Variants in ANKRD55 observed in about 807,000 individuals in gnomAD.
ANKRD55 encodes the protein ankyrin repeat domain 55.
A neutral mutation model predicts 60.6 loss-of-function variants in ANKRD55; 41 were observed. The ratio of observed to expected loss-of-function variants is 0.68; its 90% CI spans 0.53 to 0.88. The LOEUF is 0.88. ANKRD55 is among the 40% of genes least tolerant of loss of function. The pLI is 0.00. For synonymous variants in ANKRD55, 264 were observed against 290.3 expected (o/e 0.91, Z 0.92); for missense variants, 732 against 767.6 (o/e 0.95, Z 0.55).
At chr5:56,102,298 G>A (rs1208966283) in intron 11 of ANKRD55, among the ~76,000 whole-genome samples, 196 bp downstream of exon 11, 1 of 152,156 alleles carries the variant, frequency 6.6e-6, no homozygotes, top group African/African-American at 2.4e-5. Context: ...GCTGAGGCAG[G>A]GGAATCGCTT....
intron 2 of ANKRD55, among the ~76,000 whole-genome samples, chr5:56,197,707 G>T (rs1284134320): frequency 1.3e-5 from 2 of 152,076 alleles, no homozygotes; most frequent in African/African-American, 4.8e-5. Context: ...GCCAATTTTT[G>T]TCGCAGTTTG....
chr5:56,164,563 G>T (rs1758406275), intron 5 of ANKRD55, among the ~76,000 whole-genome samples: 1 of 152,238 alleles, frequency 6.6e-6, no homozygotes, highest in South Asian at 2.1e-4. Context: ...TGGAGACCAT[G>T]AAAAAGACCT....
chr5:56,160,690 G>C (rs931222735), intron 5 of ANKRD55: 1 of 152,186 alleles, frequency 6.6e-6, no homozygotes, highest in African/African-American at 2.4e-5. Flanking sequence ...GTATTTGCAA[G>C]TTTGCTCATT....
chr5:56,111,095 G>A (rs768920005), intron 10 of ANKRD55, 23 bp downstream of exon 10: 1 of 1,600,408 alleles, frequency 6.2e-7, no homozygotes, highest in Non-Finnish European at 8.5e-7. Flanking sequence ...TGCTGAGAAT[G>A]AACATGAAAT....
chr5:56,130,249 T>A (rs1337662019), intron 7 of ANKRD55, among the ~76,000 whole-genome samples: 1 of 152,172 alleles, frequency 6.6e-6, no homozygotes, highest in Non-Finnish European at 1.5e-5. Flanking sequence ...CCGGAGAAAC[T>A]AGTTAACCAG....
rs1282253873 is a variant in ANKRD55, at chr5:56,133,917, C to G, written c.613-6811G>C. On this transcript the variant is annotated intron_variant, in intron 7 of 11. Coordinates refer to ENST00000341048, the MANE Select transcript of ANKRD55 (RefSeq NM_024669.3). ...CTAGAAAAAGAAGAGCAAATTAAAT[C>G]CAAAATAAGCAGAAGAAAAGAAAAA... Among the ~76,000 whole-genome samples, 2 of 111,724 alleles carry G rather than the reference C, an allele frequency of 1.8e-5. 1 individual carries two copies. The highest frequency in any genetic ancestry group is 4.2e-5 in the Non-Finnish European group (2 of 47,586). The allele number at this position is 111,724 out of a possible 152,430, so 73.3% of individuals were successfully genotyped here.
At chr5:56,221,916 G>A (rs1393634645) in intron 2 of ANKRD55, among the ~76,000 whole-genome samples, 1 of 152,214 alleles carries the variant, frequency 6.6e-6, no homozygotes, top group Admixed American at 6.5e-5. Flanking sequence ...TCCACCTCTG[G>A]GGGCAGGGCA....
intron 5 of ANKRD55, among the ~76,000 whole-genome samples, chr5:56,165,665 C>A (rs949739224): frequency 6.6e-6 from 1 of 152,078 alleles, no homozygotes; most frequent in Non-Finnish European, 1.5e-5. Context: ...TGTGGTGGCT[C>A]ACTCTTGTAA....
chr5:56,179,206 G>T (rs1036959857), intron 3 of ANKRD55, among the ~76,000 whole-genome samples: 3 of 152,156 alleles, frequency 2.0e-5, no homozygotes, highest in African/African-American at 7.2e-5. Flanking sequence ...AAATGTCTGA[G>T]TTAAATTAAT....
In ANKRD55 at chr5:56,099,934, T is replaced by C. The variant is rs1756218406; in HGVS notation, c.*249A>G. On this transcript the variant is annotated 3_prime_UTR_variant, in exon 12 of 12. Transcript: ENST00000341048. Reference sequence around the variant, plus strand: ...TAGCTCAGTTTTCCTACTGATAACATATTTTGTCTTTTAATTTTGGCATGT... The same window carrying C: ...TAGCTCAGTTTTCCTACTGATAACACATTTTGTCTTTTAATTTTGGCATGT... 4.5e-6 allele frequency: 2 copies of C among 445,814 alleles called. No individual in the cohort carries two copies. The highest frequency in any genetic ancestry group is 4.0e-5 in the African/African-American group (2 of 50,518). 27.6% of individuals were successfully genotyped at this position (445,814 alleles called of 1,614,324 possible).
At chr5:56,194,605 T>C (rs1489301875) in intron 2 of ANKRD55, among the ~76,000 whole-genome samples, 1 of 152,180 alleles carries the variant, frequency 6.6e-6, no homozygotes, top group Non-Finnish European at 1.5e-5. Context: ...TAATTAGTAA[T>C]CCTTTACTGA....
chr5:56,200,364 C>A (rs1196949039), intron 2 of ANKRD55, among the ~76,000 whole-genome samples: 2 of 151,414 alleles, frequency 1.3e-5, no homozygotes, highest in Non-Finnish European at 2.9e-5. Context: ...TAATTTTTAC[C>A]TAAAAATTGG....
chr5:56,140,043 CTTTG>C (rs1382435605), intron 7 of ANKRD55, among the ~76,000 whole-genome samples: 1 of 152,086 alleles, frequency 6.6e-6, no homozygotes, highest in Non-Finnish European at 1.5e-5. Flanking sequence ...ATCTTTACTG[CTTTG>C]TTTATTTTGG....
chr5:56,221,167 C>T (rs972653728), intron 2 of ANKRD55, among the ~76,000 whole-genome samples: 4 of 152,186 alleles, frequency 2.6e-5, no homozygotes, highest in Non-Finnish European at 5.9e-5. Flanking sequence ...TTCCCATCTC[C>T]TATGCTTGCC....
intron 2 of ANKRD55, among the ~76,000 whole-genome samples, chr5:56,225,934 C>T (rs1760099817): frequency 6.6e-6 from 1 of 152,180 alleles, no homozygotes; most frequent in South Asian, 2.1e-4. Flanking sequence ...TCAATGCCAT[C>T]CCCGTCAAGC....
intron 5 of ANKRD55, among the ~76,000 whole-genome samples, chr5:56,169,487 T>C (rs1013305673): frequency 6.6e-6 from 1 of 152,092 alleles, no homozygotes; most frequent in Non-Finnish European, 1.5e-5. Flanking sequence ...TGTCTATTGA[T>C]TGTTAACTGT....
intron 3 of ANKRD55, among the ~76,000 whole-genome samples, chr5:56,176,535 C>A (rs1758743027): frequency 6.6e-6 from 1 of 152,136 alleles, no homozygotes; most frequent in Non-Finnish European, 1.5e-5. Flanking sequence ...ATAAAAATTG[C>A]TTATGACTGT....
chr5:56,200,329 C>T (rs1245659897), intron 2 of ANKRD55, among the ~76,000 whole-genome samples: 1 of 151,728 alleles, frequency 6.6e-6, no homozygotes, highest in Non-Finnish European at 1.5e-5. Flanking sequence ...TTAAAAAAGA[C>T]ATAGGTATGT....
chr5:56,155,849 C>CAAA (rs11338877), intron 6 of ANKRD55, among the ~76,000 whole-genome samples: 30 of 125,362 alleles, frequency 2.4e-4, no homozygotes, highest in African/African-American at 8.4e-4. Context: ...GACCCTGCCT[C>CAAA]AAAAAAAAAA....
Sources: gnomAD v4.1 joint callset for allele counts (sites outside exome capture counted in the v4.1 genomes callset) on GRCh38, gnomAD v4.1.1 for gene constraint, MANE v1.5 for transcripts, NCBI Gene and HGNC (gene_info 2026-07-23, HGNC 2026-07-21) for gene names.